LIMS2: variants seen among roughly 807,000 people sequenced by gnomAD.
The protein encoded by LIMS2 is LIM zinc finger domain containing 2.
Under a neutral mutation model 45.3 loss-of-function variants are expected in LIMS2, and 30 were observed. The ratio of observed to expected loss-of-function variants is 0.66; its 90% CI spans 0.50 to 0.90. The LOEUF (loss-of-function observed/expected upper bound fraction) is 0.90. Ranked by LOEUF, LIMS2 falls within the 40% of genes least tolerant of loss-of-function variation. LIMS2 has a pLI of 0.00. For synonymous variants in LIMS2, 173 were observed against 188.0 expected (o/e 0.92, Z 0.65); for missense variants, 485 against 468.7 (o/e 1.03, Z -0.32).
chr2:127,674,922 C>G, intron 1 of LIMS2, 92 bp downstream of exon 1: 1 of 1,221,882 alleles, frequency 8.2e-7, no homozygotes. Context: ...GGGATCGTGG[C>G]GCCGCGGGGC....
intron 4 of LIMS2, chr2:127,651,074 CAACAT>C (rs1416470073): frequency 6.2e-7 from 1 of 1,613,774 alleles, no homozygotes; most frequent in Admixed American, 1.7e-5. Flanking sequence ...TCTTCTACCT[CAACAT>C]GTACGCCAGC....
chr2:127,663,388 C>T (rs567523408), intron 1 of LIMS2, among the ~76,000 whole-genome samples: 1 of 152,322 alleles, frequency 6.6e-6, no homozygotes, highest in African/African-American at 2.4e-5. Context: ...CACAGATGGC[C>T]GTGCTGCCGG....
At position 127,640,297 on chromosome 2, in the gene LIMS2, T is replaced by C; in HGVS notation, c.775A>G (p.Asn259Asp). ...TCGCCTTCAATCACATGGCTGCAGT[T>C]GTAGCAGACGTCCCCGAAGAGCTGT... ...YNQLFGDVCY[N>D]CSHVIEGDVV... Residue 259 changes from asparagine (N) to aspartate (D), a missense_variant, in exon 8 of 10, where the codon AAC becomes GAC. Asn to Asp is a conservative substitution (Grantham distance 23, BLOSUM62 1). Transcript: ENST00000355119. The C allele has an allele frequency of 6.2e-7, 1 of 1,613,122 alleles. No individual in the cohort carries two copies. The highest frequency in any genetic ancestry group is 1.1e-5 in the South Asian group (1 of 91,066).
chr2:127,648,291 G>C, intron 4 of LIMS2: 1 of 674,360 alleles, frequency 1.5e-6, no homozygotes, highest in Non-Finnish European at 1.8e-6. Flanking sequence ...TTTCAGGTAG[G>C]GGAACCTGCC....
chr2:127,654,474 C>T lies in LIMS2; in HGVS notation c.309G>A (p.Glu103=), dbSNP rs781046275. The T allele has an allele frequency of 6.2e-7, 1 of 1,614,188 alleles. No homozygotes were observed. The highest frequency in any genetic ancestry group is 2.2e-5 in the East Asian group (1 of 44,886). Residue 103 remains glutamate, a synonymous_variant, in exon 4 of 10, where the codon GAG becomes GAA. Transcript: ENST00000355119. ...GGTCAGCCAGCTCCACATCACACAG[C>T]TCGCAGCGGAAGCAGCCCGGGTGCC... is the stretch of plus-strand genomic sequence containing the variant. The part of the protein sequence containing the change: ...NNWHPGCFRC[E]LCDVELADLG...
At chr2:127,680,082 G>T (rs1230022068), upstream of LIMS2, among the ~76,000 whole-genome samples, 1 of 152,232 alleles carries the variant, frequency 6.6e-6, no homozygotes, top group East Asian at 1.9e-4. Flanking sequence ...TCAACACAAA[G>T]TTCAAAGCCT....
intron 4 of LIMS2, chr2:127,651,417 C>T (rs966317251): frequency 1.6e-5 from 25 of 1,612,692 alleles, no homozygotes; most frequent in African/African-American, 6.7e-5. Flanking sequence ...TGTGGAGAAG[C>T]GCCTCAAGAC....
intron 1 of LIMS2, among the ~76,000 whole-genome samples, chr2:127,659,670 C>T (rs1438250962): frequency 6.6e-6 from 1 of 152,248 alleles, no homozygotes; most frequent in East Asian, 1.9e-4. Flanking sequence ...TGGCTCTGGG[C>T]CTGGAATTCC....
At chr2:127,660,488 G>C (rs538813657) in intron 1 of LIMS2, among the ~76,000 whole-genome samples, 1 of 152,200 alleles carries the variant, frequency 6.6e-6, no homozygotes, top group South Asian at 2.1e-4. Context: ...GGGAGGAATC[G>C]TTTCGAGGAA....
rs907345477 is a variant in LIMS2 at position 127,639,005 on chromosome 2, C to T, written c.*276G>A. The T allele has an allele frequency of 2.7e-5, 12 of 447,948 alleles. No individual in the cohort carries two copies. Among genetic ancestry groups the T allele is most frequent in the African/African-American group, 1.8e-4 (9 of 49,768 alleles). 27.7% of individuals were successfully genotyped at this position (447,948 alleles called of 1,614,324 possible). On this transcript the variant is annotated 3_prime_UTR_variant, in exon 10 of 10. Transcript: ENST00000355119. The stretch of plus-strand genomic sequence containing the variant: ...GCTCCTGTCCCTGGAGGTCTGTGGG[C>T]GGAAGCTGTGGGCACAGGTGGACAT...
chr2:127,664,857 A>C lies in LIMS2; in HGVS notation c.12-7295T>G, dbSNP rs1684924281. Among the ~76,000 whole-genome samples the C allele has an allele frequency of 6.6e-6, 1 of 152,162 alleles. No homozygotes were observed. The highest frequency in any genetic ancestry group is 2.1e-4 in the South Asian group (1 of 4,832). On this transcript the variant is annotated intron_variant, in intron 1 of 9. Coordinates refer to ENST00000355119, the MANE Select transcript of LIMS2 (RefSeq NM_001161403.3). This position sits in a 1 kb window ranked among gnomAD's most constrained non-coding sequence, Gnocchi z 5.5. ...CCTGCCAACAGTTAGGAAACCGAGG[A>C]CCGGAGCCACACAGGCCCACATTCT...
chr2:127,656,811 T>C (rs924984829), intron 2 of LIMS2, among the ~76,000 whole-genome samples: 5 of 152,192 alleles, frequency 3.3e-5, no homozygotes, highest in Non-Finnish European at 5.9e-5. Context: ...TATGGCTCCG[T>C]AGAGGCCCGT....
intron 1 of LIMS2, among the ~76,000 whole-genome samples, chr2:127,673,046 G>C (rs1289977178): frequency 6.6e-6 from 1 of 152,230 alleles, no homozygotes; most frequent in Non-Finnish European, 1.5e-5. Flanking sequence ...CCACTCCGAA[G>C]GCCGGGTTGG....
chr2:127,653,499 G>A lies in LIMS2; in HGVS notation c.359+925C>T, dbSNP rs1684006742. Among the ~76,000 whole-genome samples, 1 of 152,168 alleles carries A rather than the reference G, an allele frequency of 6.6e-6. No homozygotes were observed. The highest frequency in any genetic ancestry group is 2.1e-4 in the South Asian group (1 of 4,820). ...TTCTCCAGACACATGTGCCATTTAG[G>A]GCTCTAGGATTCTGTCTGCAAGGGC... On this transcript the variant is annotated intron_variant, in intron 4 of 9. Coordinates refer to ENST00000355119, the MANE Select transcript of LIMS2 (RefSeq NM_001161403.3). The surrounding 1 kb of genome is among the most constrained non-coding windows in gnomAD (Gnocchi z 5.3).
chr2:127,647,917 G>T lies in LIMS2; in HGVS notation c.360-4845C>A. ...CTCCCTGTTCTCCCCTGCCTCACAG[G>T]CCCTGTCAAGGGCTGTGTTCCTCCC... On this transcript the variant is annotated intron_variant, in intron 4 of 9. Coordinates refer to ENST00000355119, the MANE Select transcript of LIMS2 (RefSeq NM_001161403.3). This position sits in a 1 kb window ranked among gnomAD's most constrained non-coding sequence, Gnocchi z 4.3. 1 of 656,400 alleles carries T rather than the reference G, an allele frequency of 1.5e-6. No homozygotes were observed. Among genetic ancestry groups the T allele is most frequent in the Non-Finnish European group, 1.9e-6 (1 of 528,912 alleles). 40.7% of individuals were successfully genotyped at this position (656,400 alleles called of 1,614,324 possible). A position where few individuals can be genotyped will look rare whatever the true frequency, so the allele number is the denominator to read the frequency against.
Position 127,642,905 on chromosome 2 carries a change from G to A in LIMS2, c.509+18C>T, listed in dbSNP as rs1265519289. ...GGCTCCCCGCCCCCACAACTGCAGG[G>A]CCGGGCTGCGCACCTACCCACAGTG... On this transcript the variant is annotated intron_variant, in intron 5 of 9. Transcript: ENST00000355119. The surrounding 1 kb of genome is among the most constrained non-coding windows in gnomAD (Gnocchi z 5.3). The A allele has an allele frequency of 1.3e-6, 2 of 1,553,512 alleles. No homozygotes were observed. The highest frequency in any genetic ancestry group is 1.4e-5 in the African/African-American group (1 of 73,236).
chr2:127,669,161 A>G (rs563513605), intron 1 of LIMS2, among the ~76,000 whole-genome samples: 5 of 152,302 alleles, frequency 3.3e-5, no homozygotes, highest in Admixed American at 2.6e-4. Context: ...AGACCATTCA[A>G]TGGGGCGAAG....
rs1685147166 is a variant in LIMS2, at chr2:127,668,702, AAAAAAAAAACAC to A, written c.11+6300_11+6311del. On this transcript the variant is annotated intron_variant, in intron 1 of 9. Coordinates refer to ENST00000355119, the MANE Select transcript of LIMS2 (RefSeq NM_001161403.3). The stretch of plus-strand genomic sequence containing the variant: ...AAAAAAAAAAAAAAAAAAAAAAAAA[AAAAAAAAAACAC>A]CTTACTTAAAAATTACAATTTACTT... 1.1e-4 allele frequency among the ~76,000 whole-genome samples: 12 copies of A among 105,660 alleles called. 1 individual carries two copies. Among genetic ancestry groups the A allele is most frequent in the African/African-American group, 3.7e-4 (10 of 27,068 alleles). 69.3% of individuals were successfully genotyped at this position (105,660 alleles called of 152,430 possible). A position where few individuals can be genotyped will look rare whatever the true frequency, so the allele number is the denominator to read the frequency against.
chr2:127,668,549 G>A (rs1330979043), intron 1 of LIMS2, among the ~76,000 whole-genome samples: 1 of 151,044 alleles, frequency 6.6e-6, no homozygotes, highest in Non-Finnish European at 1.5e-5. Flanking sequence ...CATACCTGTA[G>A]TCCCAGCTAC....
Sources: gnomAD v4.1 joint callset for allele counts (sites outside exome capture counted in the v4.1 genomes callset) on GRCh38, gnomAD v4.1.1 for gene constraint, Gnocchi (gnomAD v3.1) non-coding constraint, MANE v1.5 for transcripts, NCBI Gene and HGNC (gene_info 2026-07-23, HGNC 2026-07-21) for gene names.